PPM1L: variants seen among roughly 807,000 people sequenced by gnomAD.
PPM1L encodes the protein protein phosphatase, Mg2+/Mn2+ dependent 1L, also known as protein phosphatase 1L.
In PPM1L, 13 loss-of-function variants were observed where a neutral mutation model predicts 31.4. The observed-to-expected ratio is 0.41, with a 90% CI of 0.27 to 0.66. PPM1L has a LOEUF of 0.66. Ranked by LOEUF, PPM1L falls within the 30% of genes least tolerant of loss-of-function variation. The probability of loss-of-function intolerance (pLI) is 0.29; values close to 1 mark genes in which losing one functional copy is unlikely to be tolerated. For missense variants in PPM1L, 326 were observed against 453.7 expected, an observed-to-expected ratio of 0.72 and a Z score of 2.56; for synonymous variants, 184 against 175.4, an observed-to-expected ratio of 1.05 and a Z score of -0.39.
intron 1 of PPM1L, among the ~76,000 whole-genome samples, chr3:160,800,736 G>T (rs1203409640): frequency 1.3e-5 from 2 of 151,860 alleles, no homozygotes; most frequent in Non-Finnish European, 2.9e-5. Context: ...TGCTCCATTT[G>T]GTTCTTCACC....
chr3:160,800,049 A>G (rs1210973317), intron 1 of PPM1L, among the ~76,000 whole-genome samples: 3 of 152,226 alleles, frequency 2.0e-5, no homozygotes, highest in Non-Finnish European at 2.9e-5. Context: ...ATAAAGGAAT[A>G]GTATTTTTTA....
intron 2 of PPM1L, among the ~76,000 whole-genome samples, chr3:161,045,299 A>C (rs6791375): frequency 0.44 from 67,041 of 152,010 alleles, 15,963 homozygotes; most frequent in East Asian, 0.7. Context: ...GCGCTCCACC[A>C]CAAATCAACA....
At chr3:160,835,146 T>C (rs1395517786) in intron 1 of PPM1L, among the ~76,000 whole-genome samples, 2 of 144,822 alleles carry the variant, frequency 1.4e-5, no homozygotes, top group African/African-American at 5.3e-5. Flanking sequence ...TTCCTTTTTC[T>C]TCCTTTTTTT....
chr3:160,908,850 G>A (rs925735786), intron 1 of PPM1L, among the ~76,000 whole-genome samples: 7 of 152,176 alleles, frequency 4.6e-5, no homozygotes, highest in Non-Finnish European at 7.3e-5. Context: ...TAAACCTTGA[G>A]TGGTGAATAC....
chr3:160,913,040 G>T (rs1011673300), intron 1 of PPM1L, among the ~76,000 whole-genome samples: 1 of 152,088 alleles, frequency 6.6e-6, no homozygotes. Flanking sequence ...GGTTATCATG[G>T]GATAGATGGG....
intron 1 of PPM1L, among the ~76,000 whole-genome samples, chr3:160,779,000 T>G (rs1040405773): frequency 1.3e-5 from 2 of 152,130 alleles, no homozygotes; most frequent in African/African-American, 4.8e-5. Context: ...TACTGTAGGT[T>G]TTCTACAGTA....
At chr3:160,992,464 G>T (rs1190972792) in intron 2 of PPM1L, among the ~76,000 whole-genome samples, 2 of 152,102 alleles carry the variant, frequency 1.3e-5, no homozygotes, top group African/African-American at 4.8e-5. Flanking sequence ...ATTCAAACTA[G>T]CTTATGCAAA....
Position 160,869,851 on chromosome 3 carries a change from G to A in PPM1L, c.400-91885G>A, listed in dbSNP as rs947690172. 1.1e-4 allele frequency among the ~76,000 whole-genome samples: 16 copies of A among 152,236 alleles called. No homozygotes were observed. In the South Asian group the frequency reaches 2.5e-3, roughly 24 times the overall value. ...TTCTCTCCAGCTAAGAAAACTCTAG[G>A]AAGAATGTAGTTGCATAGAGCTTAG... On this transcript the variant is annotated intron_variant, in intron 1 of 3. Transcript: ENST00000498165.
intron 2 of PPM1L, among the ~76,000 whole-genome samples, chr3:161,051,310 C>T (rs924738202): frequency 4.6e-5 from 7 of 151,400 alleles, no homozygotes; most frequent in Admixed American, 3.3e-4. Flanking sequence ...CAGAAAACAC[C>T]GAGTACTTTG....
intron 1 of PPM1L, among the ~76,000 whole-genome samples, chr3:160,864,854 T>C (rs1712033517): frequency 6.6e-6 from 1 of 152,176 alleles, no homozygotes; most frequent in Non-Finnish European, 1.5e-5. Context: ...CTGGGTGAAG[T>C]GTTAGCCAAG....
intron 1 of PPM1L, among the ~76,000 whole-genome samples, chr3:160,808,773 T>A (rs932689842): frequency 1.3e-5 from 2 of 152,280 alleles, no homozygotes; most frequent in East Asian, 3.9e-4. Context: ...CTCAGCTGGA[T>A]CTCTCTTCAC....
intron 2 of PPM1L, among the ~76,000 whole-genome samples, chr3:160,983,440 G>C (rs879754339): frequency 6.6e-6 from 1 of 151,738 alleles, no homozygotes; most frequent in African/African-American, 2.4e-5. Context: ...TTGGGGGGTG[G>C]TGGGATAGGG....
chr3:160,965,413 C>A lies in PPM1L; in HGVS notation c.574+3503C>A, dbSNP rs553753615. Among the ~76,000 whole-genome samples the A allele has an allele frequency of 2.2e-4, 34 of 152,072 alleles. 1 individual carries two copies. Among genetic ancestry groups the A allele is most frequent in the Admixed American group, 7.2e-4 (11 of 15,230 alleles). The stretch of plus-strand genomic sequence containing the variant: ...GTAAAATCTGTACTTCACATACACC[C>A]ATTCTGTTTTTCATTTTCAGTATAG... On this transcript the variant is annotated intron_variant, in intron 2 of 3. Coordinates refer to ENST00000498165, the MANE Select transcript of PPM1L (RefSeq NM_139245.4).
intron 2 of PPM1L, chr3:161,022,078 A>G: frequency 3.3e-6 from 2 of 599,230 alleles, no homozygotes; most frequent in Non-Finnish European, 5.9e-6. Context: ...TTGTTCCTTT[A>G]TCACTCCATT....
intron 2 of PPM1L, among the ~76,000 whole-genome samples, chr3:161,004,151 T>C (rs1485032055): frequency 4.1e-5 from 6 of 146,408 alleles, no homozygotes; most frequent in African/African-American, 1.5e-4. Flanking sequence ...TTTATTGATT[T>C]GCGTATATTG....
intron 1 of PPM1L, among the ~76,000 whole-genome samples, chr3:160,942,955 CT>C (rs548109964): frequency 6.1e-4 from 89 of 146,390 alleles, no homozygotes; most frequent in Middle Eastern, 3.5e-3. Context: ...GAAGGATAGA[CT>C]TTTTTTTTTT....
At chr3:160,913,036 C>A (rs1277507465) in intron 1 of PPM1L, among the ~76,000 whole-genome samples, 1 of 152,102 alleles carries the variant, frequency 6.6e-6, no homozygotes, top group Non-Finnish European at 1.5e-5. Flanking sequence ...AACAGGTTAT[C>A]ATGGGATAGA....
chr3:160,937,981 G>A (rs1715035613), intron 1 of PPM1L, among the ~76,000 whole-genome samples: 2 of 152,192 alleles, frequency 1.3e-5, no homozygotes. Context: ...GACCTCAAGA[G>A]TGCTTGTCCT....
At chr3:160,868,761 A>G (rs148952239) in intron 1 of PPM1L, among the ~76,000 whole-genome samples, 2,064 of 152,238 alleles carry the variant, frequency 0.014, 25 homozygotes, top group Middle Eastern at 0.024. Context: ...TGTATTTTAA[A>G]CAAAAAAACA....
Sources: gnomAD v4.1 joint callset for allele counts (sites outside exome capture counted in the v4.1 genomes callset) on GRCh38, gnomAD v4.1.1 for gene constraint, MANE v1.5 for transcripts, NCBI Gene and HGNC (gene_info 2026-07-23, HGNC 2026-07-21) for gene names.